The following COG5 variants were observed in gnomAD, a reference collection of about 807,000 sequenced individuals.
The protein encoded by COG5 is conserved oligomeric Golgi complex subunit 5.
Under a neutral mutation model 110.4 loss-of-function variants are expected in COG5, and 86 were observed. The ratio of observed to expected loss-of-function variants is 0.78; its 90% CI spans 0.65 to 0.93. The LOEUF (loss-of-function observed/expected upper bound fraction) is 0.93, where lower values mean the gene tolerates loss of function less well. Ranked by LOEUF, COG5 falls within the 40% of genes least tolerant of loss-of-function variation. COG5 has a pLI of 0.00. For synonymous variants in COG5, 360 were observed against 334.6 expected (o/e 1.08, Z -0.83); for missense variants, 1,077 against 987.0 (o/e 1.09, Z -1.22).
At chr7:107,319,933 C>A (rs1183660206) in intron 11 of COG5, among the ~76,000 whole-genome samples, 1 of 152,112 alleles carries the variant, frequency 6.6e-6, no homozygotes, top group African/African-American at 2.4e-5. Flanking sequence ...TGAATAGTCA[C>A]TGCACTTCAG....
chr7:107,549,026 A>G (rs1051999154), intron 3 of COG5, among the ~76,000 whole-genome samples: 2 of 152,256 alleles, frequency 1.3e-5, no homozygotes. Context: ...ACATGTGGTC[A>G]TATTTTAAAT....
chr7:107,210,630 G>C (rs748503239), intron 20 of COG5, 25 bp from the exon 21 acceptor site: 1 of 1,580,306 alleles, frequency 6.3e-7, no homozygotes, highest in Non-Finnish European at 8.6e-7. Flanking sequence ...CACAATTAGA[G>C]AGAGTGCATA....
intron 6 of COG5, among the ~76,000 whole-genome samples, chr7:107,437,388 G>A (rs1229776705): frequency 1.3e-5 from 2 of 152,112 alleles, no homozygotes; most frequent in Non-Finnish European, 2.9e-5. Context: ...AAAACCTGAG[G>A]TTTAGGCATC....
intron 6 of COG5, among the ~76,000 whole-genome samples, chr7:107,468,422 T>G (rs914165697): frequency 2.0e-5 from 3 of 149,774 alleles, no homozygotes; most frequent in Non-Finnish European, 3.0e-5. Context: ...TGTGCTGTGG[T>G]GTGTGTGTGT....
intron 5 of COG5, among the ~76,000 whole-genome samples, chr7:107,537,788 A>G (rs1193257004): frequency 2.6e-5 from 4 of 152,138 alleles, no homozygotes; most frequent in African/African-American, 9.7e-5. Context: ...TTGAATAGAC[A>G]TGTCTCCAAG....
chr7:107,352,019 T>C lies in COG5; in HGVS notation c.1026+10014A>G, dbSNP rs988072136. The stretch of plus-strand genomic sequence containing the variant: ...ATAAAGACACATGCACACATGTTTA[T>C]TGCGGCACTATTCACAATAGCAAAG... On this transcript the variant is annotated intron_variant, in intron 10 of 21. Transcript: ENST00000297135. 1.3e-4 allele frequency among the ~76,000 whole-genome samples: 19 copies of C among 145,334 alleles called. 1 individual carries two copies. The highest frequency in any genetic ancestry group is 4.0e-4 in the East Asian group (2 of 5,028).
intron 7 of COG5, 73 bp from the exon 8 acceptor site, chr7:107,372,833 C>T: frequency 4.1e-6 from 6 of 1,462,092 alleles, no homozygotes; most frequent in South Asian, 1.2e-5. Flanking sequence ...AAATATACAA[C>T]TTTAAGCAGG....
At position 107,563,485 on chromosome 7, in the gene COG5, T is replaced by C. The variant is rs1584974770; in HGVS notation, c.94+318A>G. The C allele has an allele frequency of 1.2e-5, 5 of 415,846 alleles. No homozygotes were observed. The East Asian group carries it at 2.6e-4, about 22-fold the overall frequency. 25.8% of individuals were successfully genotyped at this position (415,846 alleles called of 1,614,324 possible). On this transcript the variant is annotated intron_variant, in intron 1 of 21. Coordinates refer to ENST00000297135, the MANE Select transcript of COG5 (RefSeq NM_006348.5). ...CGTCAAGAACTGCGGCAGCAGCCGGTGGCTGCCAACGCGGTCCACAGGGTT... is the reference window on the plus strand; with the variant it reads ...CGTCAAGAACTGCGGCAGCAGCCGGCGGCTGCCAACGCGGTCCACAGGGTT...
At chr7:107,415,019 C>T (rs374333014) in intron 6 of COG5, among the ~76,000 whole-genome samples, 1 of 151,942 alleles carries the variant, frequency 6.6e-6, no homozygotes, top group Non-Finnish European at 1.5e-5. Context: ...AGCCACCATG[C>T]CCGGCCCACT....
intron 14 of COG5, among the ~76,000 whole-genome samples, chr7:107,260,046 C>T (rs2116636290): frequency 7.4e-6 from 1 of 135,414 alleles, no homozygotes; most frequent in Non-Finnish European, 1.7e-5. Context: ...TACAGAGTGA[C>T]CATGTGACAC....
chr7:107,444,757 AAATTG>A (rs997888496), intron 6 of COG5, among the ~76,000 whole-genome samples: 5 of 152,238 alleles, frequency 3.3e-5, no homozygotes, highest in Non-Finnish European at 5.9e-5. Flanking sequence ...AAACACATCA[AAATTG>A]AATTGAAGTT....
At position 107,514,369 on chromosome 7, in the gene COG5, C is replaced by T. The variant is rs1200754227; in HGVS notation, c.538+12868G>A. Among the ~76,000 whole-genome samples the T allele has an allele frequency of 5.0e-5, 7 of 139,712 alleles. No individual in the cohort carries two copies. The East Asian group carries it at 6.4e-4, about 13-fold the overall frequency. 91.7% of individuals were successfully genotyped at this position (139,712 alleles called of 152,430 possible). ...ACACACACACACACACACACACACA[C>T]ATATTTTATATTTTGGTTTATTATG... On this transcript the variant is annotated intron_variant, in intron 6 of 21. Transcript: ENST00000297135.
chr7:107,503,118 G>A (rs572543071), intron 6 of COG5, among the ~76,000 whole-genome samples: 8 of 152,170 alleles, frequency 5.3e-5, no homozygotes, highest in Admixed American at 4.6e-4. Context: ...TTTCTCCTAC[G>A]GTTTGTATGG....
At chr7:107,554,401 A>C in intron 2 of COG5, 59 bp from the exon 3 acceptor site, 1 of 1,412,216 alleles carries the variant, frequency 7.1e-7, no homozygotes, top group Non-Finnish European at 1.0e-6. Flanking sequence ...CCTTGTAACC[A>C]CAATGTAGAA....
At chr7:107,379,545 C>G (rs1400232998) in intron 7 of COG5, among the ~76,000 whole-genome samples, 1 of 140,020 alleles carries the variant, frequency 7.1e-6, no homozygotes, top group Non-Finnish European at 1.5e-5. Flanking sequence ...TGCAATGACA[C>G]ACACAGGCTC....
intron 11 of COG5, among the ~76,000 whole-genome samples, chr7:107,311,370 ATTTTTTTTTTTTTTTTTTTT>A (rs71134260): frequency 1.4e-4 from 8 of 58,914 alleles, no homozygotes; most frequent in Admixed American, 3.1e-4. Flanking sequence ...GCGTATTTAC[ATTTTTTTTTTTTTTTTTTTT>A]TTTTTTTTTT....
At chr7:107,256,898 C>T (rs1802928451) in intron 15 of COG5, 104 bp from the exon 16 acceptor site, 3 of 753,490 alleles carry the variant, frequency 4.0e-6, no homozygotes, top group African/African-American at 3.5e-5. Flanking sequence ...AGTATATATA[C>T]AATATTATCA....
intron 12 of COG5, among the ~76,000 whole-genome samples, chr7:107,288,390 C>A (rs986952966): frequency 6.6e-6 from 1 of 152,118 alleles, no homozygotes; most frequent in Non-Finnish European, 1.5e-5. Context: ...AACTGCCAAA[C>A]CCTTTTCCAA....
At chr7:107,372,117 A>G (rs1814228255) in intron 8 of COG5, among the ~76,000 whole-genome samples, 1 of 152,156 alleles carries the variant, frequency 6.6e-6, no homozygotes, top group Non-Finnish European at 1.5e-5. Context: ...TTTAGACTTT[A>G]CTACAGTTGT....
Sources: gnomAD v4.1 joint callset for allele counts (sites outside exome capture counted in the v4.1 genomes callset) on GRCh38, gnomAD v4.1.1 for gene constraint, MANE v1.5 for transcripts, NCBI Gene and HGNC (gene_info 2026-07-23, HGNC 2026-07-21) for gene names.